BPIFA2: variants seen among roughly 807,000 people sequenced by gnomAD.
BPIFA2 encodes BPI fold containing family A member 2, also known as BPI fold-containing family A member 2.
A neutral mutation model predicts 25.7 loss-of-function variants in BPIFA2; 20 were observed. The observed-to-expected ratio is 0.78, with a 90% CI of 0.55 to 1.13. The LOEUF (loss-of-function observed/expected upper bound fraction) is 1.13. Ranked by LOEUF, BPIFA2 falls within the 50% of genes most tolerant of loss-of-function variation. BPIFA2 has a pLI of 0.00. For synonymous variants in BPIFA2, 126 were observed against 124.3 expected (o/e 1.01, Z -0.09); for missense variants, 300 against 298.1 (o/e 1.01, Z -0.05).
intron 5 of BPIFA2, among the ~76,000 whole-genome samples, chr20:33,177,199 A>T (rs1326000154): frequency 6.6e-6 from 1 of 152,096 alleles, no homozygotes; most frequent in Non-Finnish European, 1.5e-5. Flanking sequence ...TACTAAAAAT[A>T]CAAAAATTAG....
chr20:33,173,258 T>C (rs1309680157), intron 3 of BPIFA2, among the ~76,000 whole-genome samples, 182 bp downstream of exon 3: 2 of 152,046 alleles, frequency 1.3e-5, no homozygotes, highest in East Asian at 3.9e-4. Flanking sequence ...GGCTACAGAG[T>C]CAATCCGGGC....
At chr20:33,162,247 C>T (rs1238202368) in intron 1 of BPIFA2, among the ~76,000 whole-genome samples, 1 of 152,186 alleles carries the variant, frequency 6.6e-6, no homozygotes, top group East Asian at 1.9e-4. Context: ...TCCCAAAGTG[C>T]TGGAATTACA....
chr20:33,166,948 C>A (rs73904617), upstream of BPIFA2, among the ~76,000 whole-genome samples: 799 of 152,274 alleles, frequency 5.2e-3, 5 homozygotes, highest in African/African-American at 0.018. Context: ...TTGGAGAACC[C>A]GGTGTCAGGC....
upstream of BPIFA2, among the ~76,000 whole-genome samples, chr20:33,166,731 C>T (rs1983737661): frequency 6.6e-6 from 1 of 152,200 alleles, no homozygotes; most frequent in Non-Finnish European, 1.5e-5. Context: ...GCCTGTCCAC[C>T]ATGCCTCTGA....
upstream of BPIFA2, among the ~76,000 whole-genome samples, chr20:33,166,362 G>C (rs148831217): frequency 6.6e-6 from 1 of 152,286 alleles, no homozygotes; most frequent in African/African-American, 2.4e-5. Context: ...TAAACCCATA[G>C]TAAAGTTGAA....
At chr20:33,179,492 C>A in intron 6 of BPIFA2, 112 bp from the exon 7 acceptor site, 2 of 840,044 alleles carry the variant, frequency 2.4e-6, no homozygotes, top group South Asian at 1.4e-5. Context: ...ATTCTAAGAT[C>A]CCTAGAAATG....
chr20:33,165,422 T>G (rs1983694242), upstream of BPIFA2, among the ~76,000 whole-genome samples: 1 of 152,088 alleles, frequency 6.6e-6, no homozygotes, highest in Non-Finnish European at 1.5e-5. Flanking sequence ...GGAGAAGGGG[T>G]GGGGGCTGCT....
At chr20:33,178,355 C>A in intron 6 of BPIFA2, 127 bp downstream of exon 6, 1 of 650,174 alleles carries the variant, frequency 1.5e-6, no homozygotes, top group Non-Finnish European at 2.5e-6. Context: ...AGGAGGTCAG[C>A]TGGAGCTTCC....
intron 5 of BPIFA2, among the ~76,000 whole-genome samples, chr20:33,177,333 TGACAGAGCAA>T (rs1325438319): frequency 6.7e-6 from 1 of 149,066 alleles, no homozygotes; most frequent in Non-Finnish European, 1.5e-5. Flanking sequence ...CCAGTCTGGG[TGACAGAGCAA>T]GACATTGTCT....
Position 33,174,072 on chromosome 20 carries a change from C to A in BPIFA2, c.303-7C>A, listed in dbSNP as rs779811024. On this transcript the variant is annotated splice_region_variant and splice_polypyrimidine_tract_variant and intron_variant, in intron 3 of 8. Coordinates refer to ENST00000354932, the MANE Select transcript of BPIFA2 (RefSeq NM_080574.4). ...AGTGACAAGGGTGAATTGTGGGTTT[C>A]ACACAGGTTGAAAATCAGCAACTCC... is the stretch of plus-strand genomic sequence containing the variant. The A allele has an allele frequency of 6.2e-7, 1 of 1,612,466 alleles. No individual in the cohort carries two copies. Among genetic ancestry groups the A allele is most frequent in the East Asian group, 2.2e-5 (1 of 44,876 alleles).
upstream of BPIFA2, chr20:33,168,127 A>G (rs1235318966): frequency 7.9e-5 from 11 of 139,208 alleles, no homozygotes; most frequent in Admixed American, 6.8e-4. Flanking sequence ...CATCTCCACC[A>G]TATAATAGCC....
At chr20:33,180,278 G>A (rs1984231251) in intron 7 of BPIFA2, among the ~76,000 whole-genome samples, 7 of 151,980 alleles carry the variant, frequency 4.6e-5, no homozygotes, top group Admixed American at 4.6e-4. Context: ...CAGTCCCTTA[G>A]GCAGTCACTT....
At chr20:33,170,294 A>T (rs541582382) in intron 2 of BPIFA2, among the ~76,000 whole-genome samples, 2 of 152,310 alleles carry the variant, frequency 1.3e-5, no homozygotes, top group Admixed American at 6.5e-5. Context: ...CTCTTTTCTT[A>T]TACGGTATAG....
chr20:33,167,285 C>T (rs1048975401), upstream of BPIFA2, among the ~76,000 whole-genome samples: 2 of 152,198 alleles, frequency 1.3e-5, no homozygotes, highest in African/African-American at 4.8e-5. Context: ...GGCACCCACC[C>T]GAGTTTCCTG....
At position 33,169,257 on chromosome 20, in the gene BPIFA2, C is replaced by A. The variant is rs765815064; in HGVS notation, c.112C>A (p.Pro38Thr). ...DLSNVVDKLE[P>T]VLHEGLETVD... ...AAGCAATGTCGTGGATAAGCTGGAA[C>A]CTGTTCTTCACGAGGGACTTGAGAC... Residue 38 changes from proline (P) to threonine (T), a missense_variant, in exon 2 of 9, where the codon CCT (proline) becomes ACT (threonine). Physicochemically the swap from Pro to Thr is conservative, Grantham distance 38 (BLOSUM62 -1). Transcript: ENST00000354932. The A allele has an allele frequency of 6.2e-7, 1 of 1,614,004 alleles. No individual in the cohort carries two copies. The highest frequency in any genetic ancestry group is 8.5e-7 in the Non-Finnish European group (1 of 1,179,986).
In BPIFA2 at chr20:33,173,464, C is replaced by A. The variant is rs376815511; in HGVS notation, c.302+388C>A. On this transcript the variant is annotated intron_variant, in intron 3 of 8. Coordinates refer to ENST00000354932, the MANE Select transcript of BPIFA2 (RefSeq NM_080574.4). ...AACTGGAGTCTTCGCCACATAACCCCAGGCAGTGGATCCACTCACATACTT... is the reference window on the plus strand; with the variant it reads ...AACTGGAGTCTTCGCCACATAACCCAAGGCAGTGGATCCACTCACATACTT... Among the ~76,000 whole-genome samples the A allele has an allele frequency of 3.3e-5, 5 of 152,196 alleles. No homozygotes were observed. In the South Asian group the frequency reaches 8.3e-4, roughly 25 times the overall value.
At chr20:33,171,859 A>G (rs1190629524) in intron 2 of BPIFA2, among the ~76,000 whole-genome samples, 7 of 152,176 alleles carry the variant, frequency 4.6e-5, no homozygotes. Context: ...AACCAGAAAT[A>G]CCATTTGACC....
chr20:33,167,727 C>T (rs532884141), upstream of BPIFA2, among the ~76,000 whole-genome samples: 67 of 152,264 alleles, frequency 4.4e-4, no homozygotes, highest in Middle Eastern at 3.4e-3. Flanking sequence ...ATTCTAGACC[C>T]ATCTCGGTCC....
chr20:33,163,167 G>C (rs1323542264), upstream of BPIFA2, among the ~76,000 whole-genome samples: 2 of 152,210 alleles, frequency 1.3e-5, no homozygotes, highest in Non-Finnish European at 2.9e-5. Flanking sequence ...ATGAATGACA[G>C]GATGGGTGGG....
Sources: allele counts gnomAD v4.1 joint callset (sites outside exome capture counted in the v4.1 genomes callset), GRCh38; gene constraint gnomAD v4.1.1; transcripts MANE v1.5; gene names NCBI Gene and HGNC (gene_info 2026-07-23, HGNC 2026-07-21).